The following E2F2 variants were observed in gnomAD, a reference collection of about 807,000 sequenced individuals.
The protein encoded by E2F2 is transcription factor E2F2.
A neutral mutation model predicts 42.2 loss-of-function variants in E2F2; 22 were observed. The ratio of observed to expected loss-of-function variants is 0.52; its 90% CI spans 0.37 to 0.74. The LOEUF (loss-of-function observed/expected upper bound fraction) is 0.74. Ranked by LOEUF, E2F2 falls within the 30% of genes least tolerant of loss-of-function variation. The pLI is 0.00. For missense variants in E2F2, 481 were observed against 557.8 expected (o/e 0.86, Z 1.39); for synonymous variants, 248 against 251.6 (o/e 0.99, Z 0.13).
intron 6 of E2F2, among the ~76,000 whole-genome samples, chr1:23,516,000 C>A (rs540541642): frequency 1.3e-5 from 2 of 152,334 alleles, no homozygotes; most frequent in East Asian, 3.9e-4. Context: ...TATAATCTCA[C>A]AACAACCTAT....
intron 6 of E2F2, among the ~76,000 whole-genome samples, chr1:23,513,656 G>A (rs1158198600): frequency 6.6e-6 from 1 of 151,420 alleles, no homozygotes; most frequent in Non-Finnish European, 1.5e-5. Flanking sequence ...AGGTTGCAGT[G>A]AGCCAAGACC....
At chr1:23,526,821 G>A (rs1007600828) in intron 1 of E2F2, among the ~76,000 whole-genome samples, 1 of 151,482 alleles carries the variant, frequency 6.6e-6, no homozygotes, top group Non-Finnish European at 1.5e-5. Flanking sequence ...CCTGGGCTAC[G>A]CCCACCTGCC....
At chr1:23,524,867 T>C (rs1391728742) in intron 1 of E2F2, among the ~76,000 whole-genome samples, 1 of 152,160 alleles carries the variant, frequency 6.6e-6, no homozygotes, top group East Asian at 1.9e-4. Context: ...GGGTGGGGCC[T>C]AAACCACATC....
Position 23,530,393 on chromosome 1 carries a change from T to TG in E2F2, c.252+148dup. 9.4e-7 allele frequency: 1 copy of TG among 1,065,002 alleles called. No homozygotes were observed. The highest frequency in any genetic ancestry group is 1.3e-6 in the Non-Finnish European group (1 of 758,450). 66.0% of individuals were successfully genotyped at this position (1,065,002 alleles called of 1,614,324 possible). On this transcript the variant is annotated intron_variant, in intron 1 of 6. Transcript: ENST00000361729. The surrounding 1 kb of genome is among the most constrained non-coding windows in gnomAD (Gnocchi z 4.4). ...ATGAAGGGGTCTTCTACTCAGATATTGGGGGCACTGGGTCCTGGAAACTGA... is the reference window on the plus strand; with the variant it reads ...ATGAAGGGGTCTTCTACTCAGATATTGGGGGGCACTGGGTCCTGGAAACTGA...
chr1:23,510,087 C>T lies in E2F2; in HGVS notation c.1107G>A (p.Glu369=), dbSNP rs1642879993. The change falls in exon 7 of 7, where the codon GAG becomes GAA. Residue 369 remains glutamate (E), a synonymous_variant. Coordinates refer to ENST00000361729, the MANE Select transcript of E2F2 (RefSeq NM_004091.4). ...APPPPSLVPL[E]ATDSLLELPH... is the part of the protein sequence containing the mutation. ...GCAGCTCCAGCAGGCTGTCAGTAGC[C>T]TCCAAGGGGACCAGGGATGGAGGCG... The T allele has an allele frequency of 1.2e-6, 2 of 1,607,260 alleles. No individual in the cohort carries two copies. Among genetic ancestry groups the T allele is most frequent in the Non-Finnish European group, 1.7e-6 (2 of 1,177,798 alleles).
intron 4 of E2F2, among the ~76,000 whole-genome samples, chr1:23,520,588 A>G (rs1275683617): frequency 6.6e-6 from 1 of 151,976 alleles, no homozygotes; most frequent in East Asian, 1.9e-4. Flanking sequence ...TACAAAAAAT[A>G]AAGAATTAGC....
rs1354588868 is a variant in E2F2, at chr1:23,524,467, C to G, written c.274G>C (p.Glu92Gln). The G allele has an allele frequency of 6.2e-7, 1 of 1,613,706 alleles. No individual in the cohort carries two copies. Among genetic ancestry groups the G allele is most frequent in the East Asian group, 2.2e-5 (1 of 44,830 alleles). The change falls in exon 2 of 7, where the codon GAG becomes CAG. Residue 92 changes from glutamate to glutamine, a missense_variant. By Grantham distance (29) the Glu-to-Gln change is conservative. Coordinates refer to ENST00000361729, the MANE Select transcript of E2F2 (RefSeq NM_004091.4). ...RLPAKRKLDL[E>Q]GIGRPVVPEF... Reference sequence around the variant, plus strand: ...GGGACGACGGGCCTCCCAATCCCCTCCAGATCCAGCTTCCTTTTGGCCTTG... The same window carrying G: ...GGGACGACGGGCCTCCCAATCCCCTGCAGATCCAGCTTCCTTTTGGCCTTG...
intron 5 of E2F2, among the ~76,000 whole-genome samples, chr1:23,518,747 T>C (rs575145856): frequency 1.3e-5 from 2 of 152,100 alleles, no homozygotes; most frequent in East Asian, 3.9e-4. Context: ...TGGGCATGAG[T>C]GTGCATGTGC....
At chr1:23,528,991 T>G (rs375610896) in intron 1 of E2F2, among the ~76,000 whole-genome samples, 2 of 152,086 alleles carry the variant, frequency 1.3e-5, no homozygotes, top group Non-Finnish European at 2.9e-5. Flanking sequence ...GGCAAGAGGA[T>G]TGCTTGAGCC....
chr1:23,526,939 G>A (rs1445510785), intron 1 of E2F2, among the ~76,000 whole-genome samples: 4 of 152,064 alleles, frequency 2.6e-5, no homozygotes, highest in Non-Finnish European at 5.9e-5. Flanking sequence ...GGGTCCCAAT[G>A]CGGCAAGTGT....
intron 6 of E2F2, 49 bp downstream of exon 6, chr1:23,516,286 A>T: frequency 7.0e-7 from 1 of 1,421,430 alleles, no homozygotes; most frequent in Non-Finnish European, 9.2e-7. Context: ...AGAGAAAACT[A>T]AGGCCGGTCT....
At chr1:23,517,049 A>G (rs146571833) in intron 5 of E2F2, among the ~76,000 whole-genome samples, 15 of 152,144 alleles carry the variant, frequency 9.9e-5, no homozygotes, top group African/African-American at 3.4e-4. Context: ...GAGTCAGCAC[A>G]GAGAAAAGCA....
intron 6 of E2F2, 52 bp downstream of exon 6, chr1:23,516,283 A>G (rs1351521467): frequency 3.5e-6 from 5 of 1,418,808 alleles, no homozygotes; most frequent in Non-Finnish European, 4.6e-6. Context: ...AGAAGAGAAA[A>G]CTAAGGCCGG....
intron 6 of E2F2, among the ~76,000 whole-genome samples, chr1:23,513,379 G>A (rs1642948992): frequency 6.6e-6 from 1 of 152,094 alleles, no homozygotes; most frequent in African/African-American, 2.4e-5. Context: ...AAATGTCAGA[G>A]ATGATGTTGT....
chr1:23,515,705 CTTATTT>C (rs984255445), intron 6 of E2F2, among the ~76,000 whole-genome samples: 14 of 151,204 alleles, frequency 9.3e-5, no homozygotes, highest in African/African-American at 3.4e-4. Flanking sequence ...AAATTTTATT[CTTATTT>C]TTATTTTTGA....
rs781621222 is a variant in E2F2 at position 23,519,049 on chromosome 1, C to T, written c.819G>A (p.Pro273=). The part of the protein sequence containing the change: ...EQTVIAVKAP[P]QTRLEVPDRT... The stretch of plus-strand genomic sequence containing the variant: ...TGTCGGGCACTTCCAGTCTCGTCTG[C>T]GGAGGGGCCTTGACGGCAATCACTG... The change falls in exon 5 of 7, where the codon CCG becomes CCA. Residue 273 remains proline (P), a synonymous_variant. Coordinates refer to ENST00000361729, the MANE Select transcript of E2F2 (RefSeq NM_004091.4). 22 of 1,613,868 alleles carry T rather than the reference C, an allele frequency of 1.4e-5. No individual in the cohort carries two copies. Among genetic ancestry groups the T allele is most frequent in the Admixed American group, 1.0e-4 (6 of 59,964 alleles).
In E2F2 at chr1:23,530,919, G is replaced by A; in HGVS notation, c.-126C>T. On this transcript the variant is annotated 5_prime_UTR_variant, in exon 1 of 7. Transcript: ENST00000361729. This position sits in a 1 kb window ranked among gnomAD's most constrained non-coding sequence, Gnocchi z 4.4. ...AGGCCGGGGGAAGCCGCCAATGGAC[G>A]CCTGCGGGGCAAGGCCGGACCCTCC... 8.0e-7 allele frequency: 1 copy of A among 1,251,950 alleles called. No individual in the cohort carries two copies. Among genetic ancestry groups the A allele is most frequent in the Non-Finnish European group, 1.1e-6 (1 of 948,092 alleles). The allele number at this position is 1,251,950 out of a possible 1,614,324, so 77.6% of individuals were successfully genotyped here.
chr1:23,520,866 C>A, intron 4 of E2F2, 47 bp downstream of exon 4: 1 of 1,487,454 alleles, frequency 6.7e-7, no homozygotes, highest in Admixed American at 2.3e-5. Flanking sequence ...TATAAACATG[C>A]AACAGGTTCC....
At chr1:23,524,316 ATT>A in intron 2 of E2F2, 65 bp downstream of exon 2, 1 of 1,227,006 alleles carries the variant, frequency 8.1e-7, no homozygotes. Flanking sequence ...ACTACCAGTG[ATT>A]GGGCAGGGCA....
Sources: allele counts gnomAD v4.1 joint callset (sites outside exome capture counted in the v4.1 genomes callset), GRCh38; gene constraint gnomAD v4.1.1; non-coding constraint Gnocchi (gnomAD v3.1); transcripts MANE v1.5; gene names NCBI Gene and HGNC (gene_info 2026-07-23, HGNC 2026-07-21).